The following UBE3B variants were observed in gnomAD, a reference collection of about 807,000 sequenced individuals.
UBE3B encodes ubiquitin protein ligase E3B.
UBE3B carries 80 observed loss-of-function variants against 132.3 expected under a neutral mutation model. The ratio of observed to expected loss-of-function variants is 0.60; its 90% CI spans 0.50 to 0.73. UBE3B has a LOEUF of 0.73. Ranked by LOEUF, UBE3B falls within the 30% of genes least tolerant of loss-of-function variation. The pLI is 0.00. For synonymous variants in UBE3B, 487 were observed against 520.4 expected (o/e 0.94, Z 0.87); for missense variants, 1,196 against 1,362.5 (o/e 0.88, Z 1.92).
chr12:109,488,402 A>C (rs34306729), intron 6 of UBE3B, among the ~76,000 whole-genome samples, 170 bp from the exon 7 acceptor site: 1 of 152,070 alleles, frequency 6.6e-6, no homozygotes. Context: ...ATTCCCTGTT[A>C]TTTAACTCCT....
At chr12:109,490,539 A>G in intron 8 of UBE3B, 1 of 1,535,878 alleles carries the variant, frequency 6.5e-7, no homozygotes, top group Non-Finnish European at 8.7e-7. Flanking sequence ...CCTCACAACA[A>G]CCCTGTGAGG....
rs1430998068 is a variant in UBE3B at position 109,486,495 on chromosome 12, T to C, written c.367T>C (p.Ser123Pro). ...PKVWYVSLAC[S>P]KDLTLLWIQQ... Reference sequence around the variant, plus strand: ...GGTGTGGTATGTGTCCCTGGCTTGTTCTAAGGACCTCACCCTCCTTTGGAT... The same window carrying C: ...GGTGTGGTATGTGTCCCTGGCTTGTCCTAAGGACCTCACCCTCCTTTGGAT... The change falls in exon 6 of 28, where the codon TCT becomes CCT. Residue 123 changes from serine (S) to proline (P), a missense_variant. Coordinates refer to ENST00000342494, the MANE Select transcript of UBE3B (RefSeq NM_130466.4). 3 of 1,610,810 alleles carry C rather than the reference T, an allele frequency of 1.9e-6. No individual in the cohort carries two copies. Among genetic ancestry groups the C allele is most frequent in the Non-Finnish European group, 1.7e-6 (2 of 1,179,142 alleles).
chr12:109,508,774 A>G (rs1879992149), intron 15 of UBE3B: 1 of 980,508 alleles, frequency 1.0e-6, no homozygotes, highest in African/African-American at 1.8e-5. Context: ...GGAAATGTTC[A>G]GATAGAGCTG....
At chr12:109,533,110 CTG>C (rs2136143625) in intron 26 of UBE3B, among the ~76,000 whole-genome samples, 1 of 152,280 alleles carries the variant, frequency 6.6e-6, no homozygotes, top group East Asian at 1.9e-4. Flanking sequence ...AGCTGCTGCT[CTG>C]TTCCTCTTAA....
chr12:109,493,690 C>T (rs1877788044), intron 9 of UBE3B, among the ~76,000 whole-genome samples: 1 of 152,196 alleles, frequency 6.6e-6, no homozygotes, highest in African/African-American at 2.4e-5. Context: ...TAGTGAAAGT[C>T]TATAAAATCG....
At position 109,486,592 on chromosome 12, in the gene UBE3B, A is replaced by G; in HGVS notation, c.447+17A>G. The G allele has an allele frequency of 1.3e-6, 2 of 1,551,902 alleles. No individual in the cohort carries two copies. The highest frequency in any genetic ancestry group is 1.7e-6 in the Non-Finnish European group (2 of 1,151,290). On this transcript the variant is annotated intron_variant, in intron 6 of 27. Transcript: ENST00000342494. Reference sequence around the variant, plus strand: ...CAGCTCAAGGTAACAAAAAAAAAAAAAAAAAAAAAAAGCAAAACCAGAAAC... The same window carrying G: ...CAGCTCAAGGTAACAAAAAAAAAAAGAAAAAAAAAAAGCAAAACCAGAAAC...
intron 5 of UBE3B, 143 bp downstream of exon 5, chr12:109,486,214 T>C: frequency 1.1e-6 from 1 of 928,672 alleles, no homozygotes; most frequent in African/African-American, 1.7e-5. Context: ...AAAGTACAAA[T>C]GATTCCTTAG....
chr12:109,501,419 G>C lies in UBE3B; in HGVS notation c.1167G>C (p.Trp389Cys), dbSNP rs1359982302. 2 of 1,614,042 alleles carry C rather than the reference G, an allele frequency of 1.2e-6. No individual in the cohort carries two copies. The highest frequency in any genetic ancestry group is 1.3e-5 in the African/African-American group (1 of 74,906). ...HLITKQLQFL[W>C]GVPLIRIFFC... ...TCACCAAACAGCTGCAGTTCTTGTG[G>C]GGGGTGCCTCTGATCCGGATCTTCT... Residue 389 changes from tryptophan to cysteine, a missense_variant, in exon 13 of 28, where the codon TGG becomes TGC. Physicochemically the swap from Trp to Cys is radical, Grantham distance 215 (BLOSUM62 -2). Coordinates refer to ENST00000342494, the MANE Select transcript of UBE3B (RefSeq NM_130466.4).
chr12:109,503,008 T>C lies in UBE3B; in HGVS notation c.1283-15T>C, dbSNP rs372750014. The C allele has an allele frequency of 9.3e-6, 15 of 1,613,988 alleles. No individual in the cohort carries two copies. In the African/African-American group the frequency reaches 1.6e-4, roughly 17 times the overall value. On this transcript the variant is annotated splice_polypyrimidine_tract_variant and intron_variant, in intron 13 of 27. Coordinates refer to ENST00000342494, the MANE Select transcript of UBE3B (RefSeq NM_130466.4). ...GCTGAGCTGCTGCTCACATGTCTTC[T>C]TTTCTCCATGCCAGGTCTCCTAAAG...
rs190354953 is a variant in UBE3B, at chr12:109,504,880, A to G, written c.1450+1690A>G. On this transcript the variant is annotated intron_variant, in intron 14 of 27. Transcript: ENST00000342494. ...AGTGCAGTAGCGCAATCTCGGCTCA[A>G]CTGCAGGCTCCGCCTCCCAGGTTCA... Among the ~76,000 whole-genome samples, 147 of 151,752 alleles carry G rather than the reference A, an allele frequency of 9.7e-4. 1 individual carries two copies. Among genetic ancestry groups the G allele is most frequent in the African/African-American group, 3.3e-3 (138 of 41,364 alleles).
Position 109,534,882 on chromosome 12 carries a change from C to G in UBE3B, c.*100C>G. 9.3e-7 allele frequency: 1 copy of G among 1,073,198 alleles called. No homozygotes were observed. The highest frequency in any genetic ancestry group is 1.3e-6 in the Non-Finnish European group (1 of 763,654). 66.5% of individuals were successfully genotyped at this position (1,073,198 alleles called of 1,614,324 possible). On this transcript the variant is annotated 3_prime_UTR_variant, in exon 28 of 28. Transcript: ENST00000342494. This position sits in a 1 kb window ranked among gnomAD's most constrained non-coding sequence, Gnocchi z 5.2. ...GGAATGTGACCAACATGCCAGGTGA[C>G]ATTGGCCCCTAGACCCTCTCTATAG...
chr12:109,543,550 T>C, the UBE3B span, among the ~76,000 whole-genome samples: 1 of 152,202 alleles, frequency 6.6e-6, no homozygotes, highest in Non-Finnish European at 1.5e-5. Context: ...TTAAGAAGGA[T>C]GCAGGAGGCT....
intron 26 of UBE3B, among the ~76,000 whole-genome samples, chr12:109,531,983 A>G (rs1002516283): frequency 6.6e-6 from 1 of 151,986 alleles, no homozygotes; most frequent in Non-Finnish European, 1.5e-5. Flanking sequence ...CCCAGAGCCA[A>G]GCAGAAGAAA....
At position 109,499,815 on chromosome 12, in the gene UBE3B, GTC is replaced by G; in HGVS notation, c.1118+6_1118+7del. 1.3e-6 allele frequency: 2 copies of G among 1,579,112 alleles called. No homozygotes were observed. The highest frequency in any genetic ancestry group is 1.7e-6 in the Non-Finnish European group (2 of 1,160,054). On this transcript the variant is annotated splice_donor_region_variant and intron_variant, in intron 12 of 27. Transcript: ENST00000342494. ...CTCCCAATCTGTGGATTATGGGTGA[GTC>G]CCAGATGCAAATCACTGTCTTTCCT...
chr12:109,537,467 C>T (rs1883495522), downstream of UBE3B, among the ~76,000 whole-genome samples: 1 of 152,198 alleles, frequency 6.6e-6, no homozygotes, highest in Admixed American at 6.5e-5. Flanking sequence ...AGAGCACAAA[C>T]TTGGCTTGTT....
intron 18 of UBE3B, among the ~76,000 whole-genome samples, chr12:109,513,187 C>T (rs1026855327): frequency 2.0e-5 from 3 of 152,152 alleles, no homozygotes; most frequent in Admixed American, 2.0e-4. Flanking sequence ...TAAAATGCAG[C>T]CCCTCCTCCT....
chr12:109,485,997 T>C lies in UBE3B; in HGVS notation c.283-15T>C. On this transcript the variant is annotated splice_polypyrimidine_tract_variant and intron_variant, in intron 4 of 27. Transcript: ENST00000342494. ...GATTGTGGGAATGTATAACCCCCAG[T>C]GTGTCTCTTTGCAGAGATTTGAGAA... The C allele has an allele frequency of 6.4e-7, 1 of 1,552,656 alleles. No homozygotes were observed. The highest frequency in any genetic ancestry group is 8.7e-7 in the Non-Finnish European group (1 of 1,147,418).
In UBE3B at chr12:109,524,513, C is replaced by T. The variant is rs1236105967; in HGVS notation, c.2568+10C>T. 4 of 1,613,544 alleles carry T rather than the reference C, an allele frequency of 2.5e-6. No individual in the cohort carries two copies. The African/African-American group carries it at 5.3e-5, about 22-fold the overall frequency. On this transcript the variant is annotated intron_variant, in intron 23 of 27. Coordinates refer to ENST00000342494, the MANE Select transcript of UBE3B (RefSeq NM_130466.4). ...GGACGTCATGGGTCAGGTAGGTCCG[C>T]CCTTTGGCTGAGCTCCCTTTCCACT...
chr12:109,501,088 T>G (rs769624231), intron 12 of UBE3B, among the ~76,000 whole-genome samples: 7 of 152,148 alleles, frequency 4.6e-5, no homozygotes, highest in Non-Finnish European at 1.0e-4. Context: ...ACAAGATTGT[T>G]TTTGTCACCT....
Sources: allele counts gnomAD v4.1 joint callset (sites outside exome capture counted in the v4.1 genomes callset), GRCh38; gene constraint gnomAD v4.1.1; non-coding constraint Gnocchi (gnomAD v3.1); transcripts MANE v1.5; gene names NCBI Gene and HGNC (gene_info 2026-07-23, HGNC 2026-07-21).